NAPB: variants seen among roughly 807,000 people sequenced by gnomAD.
NAPB encodes the protein NSF attachment protein beta, also known as beta-soluble NSF attachment protein.
Under a neutral mutation model 44.7 loss-of-function variants are expected in NAPB, and 26 were observed. That is an observed-to-expected ratio of 0.58 (90% confidence interval 0.43 to 0.81). NAPB has a LOEUF of 0.81. NAPB is among the 30% of genes least tolerant of loss of function. The pLI, the probability that NAPB is intolerant of heterozygous loss-of-function variation, is 0.00. For missense variants in NAPB, 315 were observed against 356.4 expected (o/e 0.88, Z 0.94); for synonymous variants, 120 against 116.8 (o/e 1.03, Z -0.18).
intron 10 of NAPB, among the ~76,000 whole-genome samples, chr20:23,378,636 T>G (rs1303317635): frequency 3.3e-5 from 5 of 149,470 alleles, no homozygotes; most frequent in Non-Finnish European, 7.4e-5. Flanking sequence ...AAGATGGTGT[T>G]TTGCCATGTT....
chr20:23,379,231 C>A, intron 10 of NAPB: 1 of 454,178 alleles, frequency 2.2e-6, no homozygotes, highest in Non-Finnish European at 3.9e-6. Context: ...AGTCTCACAG[C>A]TAAATTAGTT....
intron 3 of NAPB, among the ~76,000 whole-genome samples, chr20:23,395,681 C>T (rs764929931): frequency 3.3e-5 from 5 of 152,076 alleles, no homozygotes; most frequent in Non-Finnish European, 7.4e-5. Context: ...TTCAAACAAC[C>T]CTTAAGCAAA....
intron 5 of NAPB, among the ~76,000 whole-genome samples, chr20:23,393,382 A>C (rs1179593325): frequency 6.6e-6 from 1 of 152,240 alleles, no homozygotes; most frequent in East Asian, 1.9e-4. Flanking sequence ...CAACAGGTGG[A>C]GGTCACACAG....
chr20:23,378,754 T>C (rs917421628), intron 10 of NAPB: 1 of 150,562 alleles, frequency 6.6e-6, no homozygotes, highest in Non-Finnish European at 1.5e-5. Context: ...CTTCCATTTA[T>C]TTCATGCCAC....
intron 7 of NAPB, among the ~76,000 whole-genome samples, chr20:23,382,229 T>C (rs1367564141): frequency 1.3e-5 from 2 of 152,076 alleles, no homozygotes; most frequent in African/African-American, 4.8e-5. Flanking sequence ...CCCTCAGGTG[T>C]CAACAGAGAC....
intron 3 of NAPB, 103 bp from the exon 4 acceptor site, chr20:23,395,288 T>G: frequency 1.6e-6 from 2 of 1,245,222 alleles, no homozygotes; most frequent in Non-Finnish European, 2.3e-6. Context: ...TAATGAGGTA[T>G]AATTTTGGAG....
At chr20:23,410,970 T>C (rs1349062041) in intron 1 of NAPB, among the ~76,000 whole-genome samples, 1 of 152,012 alleles carries the variant, frequency 6.6e-6, no homozygotes, top group Admixed American at 6.6e-5. Context: ...AGAAATAAAA[T>C]CTCTGTTATA....
intron 1 of NAPB, among the ~76,000 whole-genome samples, chr20:23,418,978 C>T (rs932848623): frequency 6.6e-6 from 1 of 152,008 alleles, no homozygotes; most frequent in African/African-American, 2.4e-5. Flanking sequence ...CAGTCTACGG[C>T]TCTGAAATTC....
At chr20:23,404,467 G>A (rs964888934) in intron 1 of NAPB, among the ~76,000 whole-genome samples, 1 of 152,180 alleles carries the variant, frequency 6.6e-6, no homozygotes, top group African/African-American at 2.4e-5. Context: ...AGCAGAGGCT[G>A]GGCATACAGC....
In NAPB at chr20:23,421,477, G is replaced by A. The variant is rs921739288; in HGVS notation, c.-75C>T. 2 of 1,358,934 alleles carry A rather than the reference G, an allele frequency of 1.5e-6. No homozygotes were observed. The highest frequency in any genetic ancestry group is 2.0e-6 in the Non-Finnish European group (2 of 1,007,164). The allele number at this position is 1,358,934 out of a possible 1,614,324, so 84.2% of individuals were successfully genotyped here. A position where few individuals can be genotyped will look rare whatever the true frequency, so the allele number is the denominator to read the frequency against. Reference sequence around the variant, plus strand: ...CAGGCGCCTTAACCCTCCCTCTGGCGGCCGCAGGGACGCAGGCGCAGGCGC... The same window carrying A: ...CAGGCGCCTTAACCCTCCCTCTGGCAGCCGCAGGGACGCAGGCGCAGGCGC... On this transcript the variant is annotated 5_prime_UTR_variant, in exon 1 of 11. Transcript: ENST00000377026.
At chr20:23,393,467 C>T (rs115892912) in intron 5 of NAPB, among the ~76,000 whole-genome samples, 1 of 152,148 alleles carries the variant, frequency 6.6e-6, no homozygotes, top group African/African-American at 2.4e-5. Context: ...ACCAGGAAGA[C>T]TCCATTTGGT....
At chr20:23,405,222 G>A (rs996956620) in intron 1 of NAPB, among the ~76,000 whole-genome samples, 3 of 151,586 alleles carry the variant, frequency 2.0e-5, no homozygotes, top group Non-Finnish European at 1.5e-5. Flanking sequence ...ACAGTAATCC[G>A]AGATCACACC....
Position 23,374,897 on chromosome 20 carries a change from A to G in NAPB, c.*2479T>C, listed in dbSNP as rs1276217122. Reference sequence around the variant, plus strand: ...GCCACAAAAAGCAAAACTTTCCTCTAAGAAATATTAACTGACTTTGACTAT... The same window carrying G: ...GCCACAAAAAGCAAAACTTTCCTCTGAGAAATATTAACTGACTTTGACTAT... On this transcript the variant is annotated 3_prime_UTR_variant, in exon 11 of 11. Coordinates refer to ENST00000377026, the MANE Select transcript of NAPB (RefSeq NM_022080.3). 1 of 152,352 alleles carries G rather than the reference A, an allele frequency of 6.6e-6. No homozygotes were observed. The highest frequency in any genetic ancestry group is 1.5e-5 in the Non-Finnish European group (1 of 68,034). 9.4% of individuals were successfully genotyped at this position (152,352 alleles called of 1,614,324 possible). A position where few individuals can be genotyped will look rare whatever the true frequency, so the allele number is the denominator to read the frequency against.
At chr20:23,390,581 C>T (rs1037187828) in intron 5 of NAPB, among the ~76,000 whole-genome samples, 2 of 152,232 alleles carry the variant, frequency 1.3e-5, no homozygotes, top group African/African-American at 2.4e-5. Context: ...GGGGCCACTC[C>T]CAGGCTTGGG....
intron 1 of NAPB, among the ~76,000 whole-genome samples, chr20:23,406,483 A>C (rs372212758): frequency 1.4e-4 from 22 of 151,806 alleles, no homozygotes; most frequent in East Asian, 5.8e-4. Flanking sequence ...AACACACACA[A>C]AAAAAATCAA....
intron 2 of NAPB, among the ~76,000 whole-genome samples, chr20:23,398,176 G>C (rs536456414): frequency 2.3e-4 from 35 of 152,270 alleles, no homozygotes; most frequent in African/African-American, 8.4e-4. Context: ...ACACAGCAGA[G>C]TGCCTCTGAA....
chr20:23,390,347 T>C (rs548788590), intron 5 of NAPB, 83 bp from the exon 6 acceptor site: 1 of 1,161,774 alleles, frequency 8.6e-7, no homozygotes. Flanking sequence ...TATTTTTCCA[T>C]AAATAAACCT....
At chr20:23,396,348 A>G (rs1049100733) in intron 3 of NAPB, among the ~76,000 whole-genome samples, 19 of 152,230 alleles carry the variant, frequency 1.2e-4, no homozygotes, top group Admixed American at 1.2e-3. Context: ...CCCTTATACC[A>G]AAGGTATTGA....
At chr20:23,421,264 GA>G in intron 1 of NAPB, 40 bp downstream of exon 1, 1 of 1,272,108 alleles carries the variant, frequency 7.9e-7, no homozygotes, top group African/African-American at 3.5e-5. Flanking sequence ...GCCAAGTACG[GA>G]GACCCCCCCC....
Sources: gnomAD v4.1 joint callset for allele counts (sites outside exome capture counted in the v4.1 genomes callset) on GRCh38, gnomAD v4.1.1 for gene constraint, MANE v1.5 for transcripts, NCBI Gene and HGNC (gene_info 2026-07-23, HGNC 2026-07-21) for gene names.